The following LOC112694756 variants were observed in gnomAD, a reference collection of about 807,000 sequenced individuals.
chr16:30,053,511 CCCCTTCCCCTCT>C, the LOC112694756 span: 2 of 153,004 alleles, frequency 1.3e-5, no homozygotes, highest in African/African-American at 4.8e-5. Context: ...TAAGTCCGGG[CCCCTTCCCCTCT>C]CTGGGCCCCC....
the LOC112694756 span, chr16:30,064,103 C>T: frequency 5.0e-6 from 2 of 396,872 alleles, no homozygotes; most frequent in Non-Finnish European, 8.9e-6. Context: ...CCCCTCCACA[C>T]GTCAACGATT....
the LOC112694756 span, chr16:30,055,296 T>G: frequency 2.5e-6 from 1 of 399,328 alleles, no homozygotes; most frequent in African/African-American, 2.1e-5. Flanking sequence ...GCCCACTTCC[T>G]GGATGCTTGC....
At chr16:30,069,961 C>G in the LOC112694756 span, 2 of 1,614,008 alleles carry the variant, frequency 1.2e-6, no homozygotes, top group Non-Finnish European at 1.7e-6. Context: ...GGCCTCTGCC[C>G]TGAAGGCCTG....
At chr16:30,061,662 C>T in the LOC112694756 span, among the ~76,000 whole-genome samples, 3 of 143,728 alleles carry the variant, frequency 2.1e-5, no homozygotes, top group Non-Finnish European at 4.5e-5. Context: ...CAGGCTCAAG[C>T]GATTCTCCTG....
the LOC112694756 span, chr16:30,070,069 T>C: frequency 6.2e-7 from 1 of 1,613,600 alleles, no homozygotes; most frequent in Admixed American, 1.7e-5. Context: ...CCTGGGTGGA[T>C]GGGACTCGGA....
At chr16:30,057,715 AG>A in the LOC112694756 span, among the ~76,000 whole-genome samples, 1 of 152,098 alleles carries the variant, frequency 6.6e-6, no homozygotes, top group African/African-American at 2.4e-5. Flanking sequence ...CAGTCAGCAG[AG>A]GGGTCTCAGG....
At chr16:30,069,933 C>G in the LOC112694756 span, 1 of 1,614,100 alleles carries the variant, frequency 6.2e-7, no homozygotes, top group Non-Finnish European at 8.5e-7. Flanking sequence ...TGACCTTCTC[C>G]TACGGCCGAG....
the LOC112694756 span, among the ~76,000 whole-genome samples, chr16:30,065,127 T>C: frequency 6.6e-6 from 1 of 152,318 alleles, no homozygotes; most frequent in Admixed American, 6.5e-5. Flanking sequence ...CCTGCCAGCC[T>C]GGAACTCGGA....
At chr16:30,068,973 C>T in the LOC112694756 span, 1 of 1,614,256 alleles carries the variant, frequency 6.2e-7, no homozygotes, top group Non-Finnish European at 8.5e-7. Context: ...CAGTATCTGC[C>T]AGCAGGTGGG....
the LOC112694756 span, among the ~76,000 whole-genome samples, chr16:30,058,634 C>T: frequency 5.3e-5 from 8 of 151,916 alleles, no homozygotes; most frequent in Non-Finnish European, 7.4e-5. Context: ...TACAGGTGCC[C>T]GCCACCACAC....
At chr16:30,069,252 A>G in the LOC112694756 span, 1 of 1,573,150 alleles carries the variant, frequency 6.4e-7, no homozygotes, top group Non-Finnish European at 8.8e-7. Flanking sequence ...GGAGAGATGT[A>G]GGTGGGACTC....
chr16:30,061,034 T>C, the LOC112694756 span, among the ~76,000 whole-genome samples: 4 of 152,248 alleles, frequency 2.6e-5, no homozygotes, highest in African/African-American at 9.6e-5. Flanking sequence ...ACTGTACAAC[T>C]GTGACTGTCA....
chr16:30,056,717 C>G, the LOC112694756 span, among the ~76,000 whole-genome samples: 10 of 151,918 alleles, frequency 6.6e-5, no homozygotes, highest in Non-Finnish European at 1.3e-4. Context: ...CCTCCCACCT[C>G]AGCCTCCTGA....
At chr16:30,064,220 C>T in the LOC112694756 span, 2 of 397,728 alleles carry the variant, frequency 5.0e-6, no homozygotes, top group Non-Finnish European at 8.8e-6. Flanking sequence ...AACCACACTC[C>T]GTCCACGGAC....
the LOC112694756 span, chr16:30,066,862 C>T: frequency 1.9e-6 from 3 of 1,544,712 alleles, no homozygotes; most frequent in Non-Finnish European, 8.7e-7. Context: ...TTCTAAAATA[C>T]TCCGGTTCGG....
the LOC112694756 span, chr16:30,070,060 C>T: frequency 1.2e-6 from 2 of 1,613,674 alleles, no homozygotes; most frequent in African/African-American, 2.7e-5. Context: ...GGCAGGGTGC[C>T]TGGGTGGATG....
At chr16:30,067,455 A>T in the LOC112694756 span, 2 of 1,613,512 alleles carry the variant, frequency 1.2e-6, no homozygotes, top group Admixed American at 1.7e-5. Context: ...CCCAGGGAGC[A>T]TTGCCAAGCG....
At chr16:30,060,869 A>G in the LOC112694756 span, among the ~76,000 whole-genome samples, 3 of 152,194 alleles carry the variant, frequency 2.0e-5, no homozygotes, top group Non-Finnish European at 2.9e-5. Context: ...GCACAGCCCA[A>G]TTCAGACCCC....
At chr16:30,068,539 G>T in the LOC112694756 span, 10 of 1,275,204 alleles carry the variant, frequency 7.8e-6, no homozygotes, top group Admixed American at 7.3e-5. Flanking sequence ...GGAAGTGGAG[G>T]CTTCAGTGAG....
Sources: allele counts gnomAD v4.1 joint callset (sites outside exome capture counted in the v4.1 genomes callset), GRCh38; gene constraint gnomAD v4.1.1; transcripts MANE v1.5.